The following LNX2 variants were observed in gnomAD, a reference collection of about 807,000 sequenced individuals.
LNX2 encodes the protein ligand of Numb protein X 2.
Under a neutral mutation model 66.2 loss-of-function variants are expected in LNX2, and 35 were observed. That is an observed-to-expected ratio of 0.53 (90% CI 0.40 to 0.70). LNX2 has a LOEUF of 0.70. Ranked by LOEUF, LNX2 falls within the 30% of genes least tolerant of loss-of-function variation. LNX2 has a pLI of 0.00. For synonymous variants in LNX2, 337 were observed against 315.6 expected, an observed-to-expected ratio of 1.07 and a Z score of -0.72; for missense variants, 791 against 850.8, an observed-to-expected ratio of 0.93 and a Z score of 0.87.
At position 27,592,610 on chromosome 13, in the gene LNX2, G is replaced by C. The variant is rs114153497; in HGVS notation, c.-100-10807C>G. The stretch of plus-strand genomic sequence containing the variant: ...GGAAACACTGGTGTAAAGATGGTAT[G>C]GAAAGCCATCAGATTGGAAAAGATC... On this transcript the variant is annotated intron_variant, in intron 1 of 9. Transcript: ENST00000316334. 3.1e-3 allele frequency among the ~76,000 whole-genome samples: 477 copies of C among 152,252 alleles called. 2 individuals are homozygous for C. The highest frequency in any genetic ancestry group is 0.011 in the African/African-American group (454 of 41,544).
intron 2 of LNX2, among the ~76,000 whole-genome samples, chr13:27,576,425 A>G (rs969148081): frequency 1.3e-5 from 2 of 152,102 alleles, no homozygotes; most frequent in Non-Finnish European, 2.9e-5. Context: ...CATTTTAAAA[A>G]AGGCCTCAAG....
intron 2 of LNX2, among the ~76,000 whole-genome samples, chr13:27,570,749 G>T (rs1465749220): frequency 2.0e-5 from 3 of 152,080 alleles, no homozygotes; most frequent in African/African-American, 7.3e-5. Context: ...GACAGGTAAA[G>T]ATTTAATTTA....
At chr13:27,605,241 G>C (rs993849975) in intron 1 of LNX2, among the ~76,000 whole-genome samples, 1 of 152,190 alleles carries the variant, frequency 6.6e-6, no homozygotes, top group African/African-American at 2.4e-5. Flanking sequence ...AGAGATGAAT[G>C]GCAGACAGGC....
At chr13:27,582,413 G>A (rs369578009) in intron 1 of LNX2, among the ~76,000 whole-genome samples, 4 of 152,100 alleles carry the variant, frequency 2.6e-5, no homozygotes, top group East Asian at 1.9e-4. Context: ...AGAAACAATC[G>A]ATTTGTTTTA....
rs80292899 is a variant in LNX2, at chr13:27,579,525, G to A, written c.407+1772C>T. ...TTACCAACATGTAAATGAAAAGGCA[G>A]TTTGCAATTACCAAGGTTTTTTACA... is the stretch of plus-strand genomic sequence containing the variant. On this transcript the variant is annotated intron_variant, in intron 2 of 9. Coordinates refer to ENST00000316334, the MANE Select transcript of LNX2 (RefSeq NM_153371.4). 4.0e-3 allele frequency among the ~76,000 whole-genome samples: 616 copies of A among 152,268 alleles called. 25 individuals are homozygous for A. In the East Asian group the frequency reaches 0.11, roughly 26 times the overall value.
intron 1 of LNX2, among the ~76,000 whole-genome samples, chr13:27,619,566 CTTTG>C (rs1243772329): frequency 6.6e-6 from 1 of 152,206 alleles, no homozygotes. Flanking sequence ...TTTCACTCAA[CTTTG>C]TTTCTGATTT....
intron 7 of LNX2, 138 bp from the exon 8 acceptor site, chr13:27,553,577 T>C (rs937792460): frequency 1.8e-5 from 11 of 606,362 alleles, no homozygotes; most frequent in Non-Finnish European, 2.9e-5. Flanking sequence ...ATGGCATTTA[T>C]TATTTCTTTG....
chr13:27,580,868 C>T (rs750511192), intron 2 of LNX2, among the ~76,000 whole-genome samples: 7 of 152,092 alleles, frequency 4.6e-5, no homozygotes, highest in Non-Finnish European at 1.0e-4. Flanking sequence ...CCAAACTATG[C>T]ACAATGTTGC....
chr13:27,593,612 G>C (rs1271918061), intron 1 of LNX2, among the ~76,000 whole-genome samples: 1 of 139,198 alleles, frequency 7.2e-6, no homozygotes, highest in Non-Finnish European at 1.5e-5. Context: ...TTGTTGCTCA[G>C]GCTGGAGTGC....
intron 1 of LNX2, among the ~76,000 whole-genome samples, chr13:27,596,749 A>G (rs1383967003): frequency 2.6e-5 from 4 of 152,224 alleles, no homozygotes; most frequent in Admixed American, 6.5e-5. Flanking sequence ...ACCTTTGTCT[A>G]AGGACATTTG....
chr13:27,573,823 G>A (rs1955313477), intron 2 of LNX2, among the ~76,000 whole-genome samples: 1 of 151,512 alleles, frequency 6.6e-6, no homozygotes. Flanking sequence ...GGAAGGAGAA[G>A]AATCTAGTTT....
intron 7 of LNX2, 126 bp from the exon 8 acceptor site, chr13:27,553,565 A>G: frequency 1.6e-6 from 1 of 621,088 alleles, no homozygotes; most frequent in South Asian, 2.0e-5. Flanking sequence ...GTATAATAAT[A>G]AATGGCATTT....
intron 2 of LNX2, among the ~76,000 whole-genome samples, chr13:27,573,443 TAA>T (rs60543818): frequency 0.56 from 82,384 of 146,678 alleles, 23,074 homozygotes; most frequent in African/African-American, 0.63. Context: ...AAGCATTGGT[TAA>T]AAAAAAAAAA....
chr13:27,602,494 G>C (rs1955669175), intron 1 of LNX2, among the ~76,000 whole-genome samples: 1 of 151,988 alleles, frequency 6.6e-6, no homozygotes, highest in Admixed American at 6.6e-5. Context: ...TTTGCATACA[G>C]CTTCTCTTAC....
chr13:27,566,939 C>G (rs750442571), intron 4 of LNX2, among the ~76,000 whole-genome samples: 4 of 152,156 alleles, frequency 2.6e-5, no homozygotes, highest in South Asian at 2.1e-4. Flanking sequence ...AGAACTCTTA[C>G]CATCCTCCTC....
At chr13:27,616,227 A>C (rs1051049668) in intron 1 of LNX2, among the ~76,000 whole-genome samples, 16 of 151,922 alleles carry the variant, frequency 1.1e-4, no homozygotes, top group African/African-American at 3.9e-4. Context: ...GCCATAGGTA[A>C]ATTTAAACAT....
chr13:27,577,037 A>G (rs983750944), intron 2 of LNX2, among the ~76,000 whole-genome samples: 2 of 152,328 alleles, frequency 1.3e-5, no homozygotes, highest in East Asian at 1.9e-4. Context: ...TGCAAATCAT[A>G]TATCTGGTAA....
intron 1 of LNX2, among the ~76,000 whole-genome samples, chr13:27,602,167 C>T (rs891960558): frequency 5.3e-5 from 8 of 151,928 alleles, no homozygotes; most frequent in Non-Finnish European, 1.2e-4. Context: ...CGCCATGTTG[C>T]CCAGCACTCA....
chr13:27,579,158 A>C (rs1955372837), intron 2 of LNX2, among the ~76,000 whole-genome samples: 1 of 152,224 alleles, frequency 6.6e-6, no homozygotes, highest in African/African-American at 2.4e-5. Context: ...TGCTGAATAA[A>C]CAAATGAACT....
Sources: allele counts gnomAD v4.1 joint callset (sites outside exome capture counted in the v4.1 genomes callset), GRCh38; gene constraint gnomAD v4.1.1; transcripts MANE v1.5; gene names NCBI Gene and HGNC (gene_info 2026-07-23, HGNC 2026-07-21).